Variants in RPS6KA2 observed in about 807,000 individuals in gnomAD.
The protein encoded by RPS6KA2 is ribosomal protein S6 kinase A2.
In RPS6KA2, 42 loss-of-function variants were observed where a neutral mutation model predicts 91.8. That is an observed-to-expected ratio of 0.46 (90% confidence interval 0.36 to 0.59). The LOEUF (loss-of-function observed/expected upper bound fraction) is 0.59, where lower values mean the gene tolerates loss of function less well. Ranked by LOEUF, RPS6KA2 falls within the 20% of genes least tolerant of loss-of-function variation. The pLI is 0.00. For missense variants in RPS6KA2, 798 were observed against 978.5 expected, an observed-to-expected ratio of 0.82 and a Z score of 2.46; for synonymous variants, 414 against 393.6, an observed-to-expected ratio of 1.05 and a Z score of -0.61.
chr6:166,451,218 G>C lies in RPS6KA2; in HGVS notation c.1091C>G (p.Pro364Arg). 1 of 1,614,014 alleles carries C rather than the reference G, an allele frequency of 6.2e-7. No homozygotes were observed. The highest frequency in any genetic ancestry group is 8.5e-7 in the Non-Finnish European group (1 of 1,179,968). Residue 364 changes from proline to arginine, a missense_variant, in exon 13 of 21, where the codon CCC (proline) becomes CGC (arginine). Physicochemically the swap from Pro to Arg is moderately radical, Grantham distance 103 (BLOSUM62 -2). Transcript: ENST00000265678. ...ARTPTDSPGVPPSANAHHLFR... is the reference protein window; with the variant it reads ...ARTPTDSPGVRPSANAHHLFR... ...CAGGTGATGAGCGTTTGCACTCGGGGGGACGCCAGGAGAGTCTGTAGGTGA... is the reference window on the plus strand; with the variant it reads ...CAGGTGATGAGCGTTTGCACTCGGGCGGACGCCAGGAGAGTCTGTAGGTGA...
intron 2 of RPS6KA2, among the ~76,000 whole-genome samples, chr6:166,535,018 A>G (rs1335522637): frequency 1.3e-5 from 2 of 152,256 alleles, no homozygotes; most frequent in African/African-American, 4.8e-5. Context: ...CATTCTTGTC[A>G]CTGAAGATCA....
chr6:166,566,638 G>C (rs1486271438), intron 1 of RPS6KA2, among the ~76,000 whole-genome samples: 1 of 152,140 alleles, frequency 6.6e-6, no homozygotes, highest in Admixed American at 6.5e-5. Flanking sequence ...CAGGCCCATG[G>C]GTCTCTCACA....
chr6:166,425,822 A>T (rs1481848059), intron 16 of RPS6KA2, among the ~76,000 whole-genome samples: 1 of 152,204 alleles, frequency 6.6e-6, no homozygotes, highest in East Asian at 1.9e-4. Context: ...ATCACCTACA[A>T]AGAGACTTAG....
intron 2 of RPS6KA2, among the ~76,000 whole-genome samples, chr6:166,841,515 A>G (rs774632592): frequency 4.6e-5 from 7 of 152,266 alleles, no homozygotes; most frequent in Non-Finnish European, 5.9e-5. Context: ...TAGGAGGGTA[A>G]GGTGAGAACA....
chr6:166,656,453 G>C (rs1788005031), intron 2 of RPS6KA2, among the ~76,000 whole-genome samples: 1 of 152,238 alleles, frequency 6.6e-6, no homozygotes, highest in African/African-American at 2.4e-5. Context: ...TGCCCTGCCT[G>C]AGTGGTGTGG....
intron 1 of RPS6KA2, among the ~76,000 whole-genome samples, chr6:166,615,922 C>G (rs1786392635): frequency 6.6e-6 from 1 of 152,174 alleles, no homozygotes; most frequent in Non-Finnish European, 1.5e-5. Flanking sequence ...AGACATCTCC[C>G]TGCATACACA....
rs202061475 is a variant in RPS6KA2, at chr6:166,856,929, CAT to C, written c.123+1269_123+1270del. 4.0e-3 allele frequency among the ~76,000 whole-genome samples: 614 copies of C among 152,364 alleles called. 4 individuals are homozygous for C. Among genetic ancestry groups the C allele is most frequent in the African/African-American group, 0.014 (592 of 41,582 alleles). On this transcript the variant is annotated intron_variant, in intron 2 of 21. Coordinates refer to the RPS6KA2 transcript ENST00000503859. Reference sequence around the variant, plus strand: ...TGCAAAGGTACAAGGCCAGGCCAAGCATAGTGTTCAAGAACGCAGCTGGATCG... The same window carrying C: ...TGCAAAGGTACAAGGCCAGGCCAAGCAGTGTTCAAGAACGCAGCTGGATCG...
intron 19 of RPS6KA2, among the ~76,000 whole-genome samples, chr6:166,414,340 C>G (rs1357783932): frequency 6.6e-6 from 1 of 152,114 alleles, no homozygotes; most frequent in Non-Finnish European, 1.5e-5. Context: ...TCAGGACTAC[C>G]CATAAATATT....
rs1784131950 is a variant in RPS6KA2 at position 166,554,856 on chromosome 6, C to A, written c.100-16072G>T. Among the ~76,000 whole-genome samples the A allele has an allele frequency of 1.3e-5, 2 of 152,248 alleles. No individual in the cohort carries two copies. Among genetic ancestry groups the A allele is most frequent in the Non-Finnish European group, 2.9e-5 (2 of 68,046 alleles). Reference sequence around the variant, plus strand: ...AAGTCAGAAATACAGAGATTGCCCACCGCATGAAAAATGTCTCCAGTTTTA... The same window carrying A: ...AAGTCAGAAATACAGAGATTGCCCAACGCATGAAAAATGTCTCCAGTTTTA... On this transcript the variant is annotated intron_variant, in intron 1 of 20. Coordinates refer to ENST00000265678, the MANE Select transcript of RPS6KA2 (RefSeq NM_021135.6). This position sits in a 1 kb window ranked among gnomAD's most constrained non-coding sequence, Gnocchi z 4.3.
At chr6:166,678,783 C>A (rs1224876225) in intron 2 of RPS6KA2, among the ~76,000 whole-genome samples, 1 of 152,218 alleles carries the variant, frequency 6.6e-6, no homozygotes, top group Non-Finnish European at 1.5e-5. Flanking sequence ...AAGTCTCGAT[C>A]CCCCGCATTT....
intron 1 of RPS6KA2, among the ~76,000 whole-genome samples, chr6:166,540,024 C>T (rs1190804092): frequency 6.6e-6 from 1 of 152,170 alleles, no homozygotes; most frequent in Non-Finnish European, 1.5e-5. Flanking sequence ...CCTCTCATTC[C>T]TCATTGCTTC....
At chr6:166,669,082 C>T (rs982840868) in intron 2 of RPS6KA2, among the ~76,000 whole-genome samples, 3 of 151,872 alleles carry the variant, frequency 2.0e-5, no homozygotes, top group Admixed American at 6.6e-5. Context: ...TTGGTTGAGA[C>T]GGGGTTTCAC....
chr6:166,530,991 T>C (rs975281641), intron 3 of RPS6KA2, among the ~76,000 whole-genome samples: 1 of 152,246 alleles, frequency 6.6e-6, no homozygotes, highest in Non-Finnish European at 1.5e-5. Flanking sequence ...GCAGAACATA[T>C]GTGGGAGAAT....
chr6:166,784,208 TGCACACGTGCACACCTACGCATA>T, intron 2 of RPS6KA2, among the ~76,000 whole-genome samples: 1 of 2,020 alleles, frequency 5.0e-4, no homozygotes, highest in Non-Finnish European at 0.031. Context: ...TAACCACATA[TGCACACGTGCACACCTACGCATA>T]ACCACATATG....
At chr6:166,790,984 T>A (rs1354797163) in intron 2 of RPS6KA2, among the ~76,000 whole-genome samples, 4 of 152,176 alleles carry the variant, frequency 2.6e-5, no homozygotes, top group Non-Finnish European at 5.9e-5. Context: ...GCTAACATCA[T>A]AATGACAGGA....
chr6:166,517,517 G>A (rs913840958), intron 3 of RPS6KA2, among the ~76,000 whole-genome samples: 10 of 136,714 alleles, frequency 7.3e-5, no homozygotes, highest in Non-Finnish European at 1.1e-4. Flanking sequence ...CGCCCAGGCC[G>A]GACTGCGGAC....
chr6:166,462,235 G>A (rs959332052), intron 11 of RPS6KA2, among the ~76,000 whole-genome samples: 1 of 152,210 alleles, frequency 6.6e-6, no homozygotes, highest in Non-Finnish European at 1.5e-5. Flanking sequence ...CACTGTCCTT[G>A]GAACCCCTTC....
At chr6:166,678,401 G>A (rs139567073) in intron 2 of RPS6KA2, among the ~76,000 whole-genome samples, 35 of 152,324 alleles carry the variant, frequency 2.3e-4, no homozygotes, top group Admixed American at 5.2e-4. Flanking sequence ...CCCACTGACC[G>A]CAGAAGGTTG....
At position 166,412,956 on chromosome 6, in the gene RPS6KA2, C is replaced by G; in HGVS notation, c.2077-69G>C. ...CAGGGGTTGAGCCGGAGCCCGGGGCCTCCATGGGCCTCAGCTGCCCCCAGG... is the reference window on the plus strand; with the variant it reads ...CAGGGGTTGAGCCGGAGCCCGGGGCGTCCATGGGCCTCAGCTGCCCCCAGG... On this transcript the variant is annotated intron_variant, in intron 20 of 20. Transcript: ENST00000265678. The surrounding 1 kb of genome is among the most constrained non-coding windows in gnomAD (Gnocchi z 4.3). 6.9e-7 allele frequency: 1 copy of G among 1,446,036 alleles called. No individual in the cohort carries two copies. The highest frequency in any genetic ancestry group is 1.4e-5 in the African/African-American group (1 of 70,062). 89.6% of individuals were successfully genotyped at this position (1,446,036 alleles called of 1,614,324 possible).
Sources: gnomAD v4.1 joint callset for allele counts (sites outside exome capture counted in the v4.1 genomes callset) on GRCh38, gnomAD v4.1.1 for gene constraint, Gnocchi (gnomAD v3.1) non-coding constraint, MANE v1.5 for transcripts, NCBI Gene and HGNC (gene_info 2026-07-23, HGNC 2026-07-21) for gene names.